C22orf42: variants seen among roughly 807,000 people sequenced by gnomAD.
C22orf42 encodes uncharacterized protein C22orf42.
A neutral mutation model predicts 31.4 loss-of-function variants in C22orf42; 24 were observed. That is an observed-to-expected ratio of 0.77 (90% confidence interval 0.55 to 1.08). The LOEUF is 1.08. Ranked by LOEUF, C22orf42 falls within the 50% of genes least tolerant of loss-of-function variation. The probability of loss-of-function intolerance (pLI) is 0.00; values close to 1 mark genes in which losing one functional copy is unlikely to be tolerated. For missense variants in C22orf42, 276 were observed against 327.3 expected (o/e 0.84, Z 1.21); for synonymous variants, 96 against 112.7 (o/e 0.85, Z 0.94).
intron 1 of C22orf42, among the ~76,000 whole-genome samples, chr22:32,157,604 A>ATC (rs1375093225): frequency 3.3e-5 from 5 of 152,198 alleles, no homozygotes; most frequent in South Asian, 4.2e-4. Context: ...ATAAGATGGG[A>ATC]TCTCTATGTC....
At chr22:32,159,752 C>T (rs1241302261), upstream of C22orf42, 13 of 165,666 alleles carry the variant, frequency 7.8e-5, no homozygotes, top group South Asian at 1.6e-4. Context: ...AACTTGACCA[C>T]AGCAACTCCT....
rs777571331 is a variant in C22orf42 at position 32,149,596 on chromosome 22, G to A, written c.700C>T (p.Arg234Trp). ...CTGATGGGTTCATTGAGCCGAGACC[G>A]TGCCATCTTAACCCAGCCTAGGGGA... is the stretch of plus-strand genomic sequence containing the variant. ...EDYLCWVKMA[R>W]SRLNEPISSQ... The change falls in exon 9 of 9, where the codon CGG becomes TGG. Residue 234 changes from arginine to tryptophan, a missense_variant. Physicochemically the swap from Arg to Trp is moderately radical, Grantham distance 101. Transcript: ENST00000382097. 31 of 1,522,816 alleles carry A rather than the reference G, an allele frequency of 2.0e-5. No individual in the cohort carries two copies. The highest frequency in any genetic ancestry group is 2.5e-5 in the East Asian group (1 of 40,760). 94.3% of individuals were successfully genotyped at this position (1,522,816 alleles called of 1,614,324 possible).
upstream of C22orf42, chr22:32,159,491 T>C (rs2904919): frequency 2.5e-4 from 334 of 1,317,820 alleles, 2 homozygotes; most frequent in East Asian, 6.5e-3. Context: ...GGTGACTGCA[T>C]TATTCATCCT....
chr22:32,150,992 G>A lies in C22orf42; in HGVS notation c.493C>T (p.His165Tyr), dbSNP rs776235173. ...AAGCTGTTTAAAAAAAAATACGTAC[G>A]GTGGTCGTGCTTGGCCTCAGATATT... ...IEISEAKHDH[H>Y]LVEDLSESLS... Residue 165 changes from histidine to tyrosine, a missense_variant and splice_region_variant, in exon 6 of 9, where the codon CAT (histidine) becomes TAT (tyrosine). Physicochemically the swap from His to Tyr is moderately conservative, Grantham distance 83. Transcript: ENST00000382097. 2.6e-5 allele frequency: 42 copies of A among 1,611,332 alleles called. No individual in the cohort carries two copies. Among genetic ancestry groups the A allele is most frequent in the South Asian group, 1.8e-4 (16 of 90,362 alleles).
intron 3 of C22orf42, 117 bp downstream of exon 3, chr22:32,152,445 T>A: frequency 2.3e-6 from 2 of 886,474 alleles, no homozygotes; most frequent in Non-Finnish European, 1.8e-6. Flanking sequence ...GTCTCTAGAG[T>A]CCATGACACT....
chr22:32,159,538 G>A, upstream of C22orf42: 1 of 1,149,588 alleles, frequency 8.7e-7, no homozygotes, highest in Non-Finnish European at 1.1e-6. Flanking sequence ...GAAAAGTGCA[G>A]GGGTTGGAGG....
intron 7 of C22orf42, among the ~76,000 whole-genome samples, 169 bp downstream of exon 7, chr22:32,150,150 G>C (rs1450030158): frequency 6.6e-6 from 1 of 152,134 alleles, no homozygotes; most frequent in African/African-American, 2.4e-5. Context: ...ACTAAGACCT[G>C]GTGGACGATG....
At chr22:32,153,200 A>G (rs1351266427) in intron 2 of C22orf42, among the ~76,000 whole-genome samples, 1 of 152,222 alleles carries the variant, frequency 6.6e-6, no homozygotes, top group Non-Finnish European at 1.5e-5. Context: ...ACAGCAGTGT[A>G]ATATAGAACA....
intron 1 of C22orf42, among the ~76,000 whole-genome samples, chr22:32,158,175 C>T (rs3859834): frequency 0.24 from 36,747 of 151,100 alleles, 4,529 homozygotes; most frequent in Middle Eastern, 0.3. Context: ...AACTTGACCA[C>T]AGCAACTCCT....
rs566985292 is a variant in C22orf42, at chr22:32,149,736, G to T, written c.682+17C>A. ...CTACATATATATCTATATATATCTA[G>T]ATATATATATACTTACAGAGGTAAT... On this transcript the variant is annotated intron_variant, in intron 8 of 8. Coordinates refer to ENST00000382097, the MANE Select transcript of C22orf42 (RefSeq NM_001010859.3). 4.8e-5 allele frequency: 63 copies of T among 1,303,924 alleles called. No individual in the cohort carries two copies. The highest frequency in any genetic ancestry group is 8.4e-5 in the Admixed American group (3 of 35,776). The allele number at this position is 1,303,924 out of a possible 1,614,324, so 80.8% of individuals were successfully genotyped here.
rs2094107653 is a variant in C22orf42 at position 32,149,177 on chromosome 22, C to T, written c.*363G>A. Reference sequence around the variant, plus strand: ...CAGTTAATATTAGTTCTTCTTCCTCCACCAGCTCAGCTCCTTTGCTCTTCC... The same window carrying T: ...CAGTTAATATTAGTTCTTCTTCCTCTACCAGCTCAGCTCCTTTGCTCTTCC... On this transcript the variant is annotated 3_prime_UTR_variant, in exon 9 of 9. Transcript: ENST00000382097. 1.2e-5 allele frequency: 2 copies of T among 161,156 alleles called. No individual in the cohort carries two copies. Among genetic ancestry groups the T allele is most frequent in the East Asian group, 3.4e-4 (2 of 5,888 alleles). The allele number at this position is 161,156 out of a possible 1,614,324, so 10.0% of individuals were successfully genotyped here.
chr22:32,157,936 C>T (rs2149514581), intron 1 of C22orf42, among the ~76,000 whole-genome samples: 1 of 152,390 alleles, frequency 6.6e-6, no homozygotes, highest in South Asian at 2.1e-4. Flanking sequence ...GCTGCCTGAG[C>T]TTTCCAGTCC....
intron 3 of C22orf42, 147 bp downstream of exon 3, chr22:32,152,415 G>C (rs1921012710): frequency 1.4e-6 from 1 of 728,160 alleles, no homozygotes; most frequent in African/African-American, 1.8e-5. Context: ...GCCTCAGTTG[G>C]TCATAACCTC....
intron 8 of C22orf42, 48 bp downstream of exon 8, chr22:32,149,705 C>T: frequency 1.7e-6 from 2 of 1,155,468 alleles, no homozygotes; most frequent in Non-Finnish European, 2.2e-6. Context: ...ATATCTATAT[C>T]TATATCTACA....
intron 2 of C22orf42, among the ~76,000 whole-genome samples, chr22:32,154,015 TCA>T (rs111234718): frequency 0.032 from 4,676 of 146,808 alleles, 105 homozygotes; most frequent in Middle Eastern, 0.073. Flanking sequence ...TGAGACCTTT[TCA>T]CACACACACA....
chr22:32,150,392 A>G lies in C22orf42; in HGVS notation c.581T>C (p.Leu194Pro). 6.2e-7 allele frequency: 1 copy of G among 1,614,116 alleles called. No homozygotes were observed. Among genetic ancestry groups the G allele is most frequent in the Non-Finnish European group, 8.5e-7 (1 of 1,179,952 alleles). The change falls in exon 7 of 9, where the codon CTT (leucine) becomes CCT (proline). Residue 194 changes from leucine (L) to proline (P), a missense_variant. Physicochemically the swap from Leu to Pro is moderately conservative, Grantham distance 98 (BLOSUM62 -3). Transcript: ENST00000382097. ...GAGACCTGATGTCATGAAGTCTTCAAGAGAGACAGATAGGCTTTCACTGAG... is the reference window on the plus strand; with the variant it reads ...GAGACCTGATGTCATGAAGTCTTCAGGAGAGACAGATAGGCTTTCACTGAG... Reference protein sequence around the residue: ...SDLSESLSVSLEDFMTSGLSE... With the variant: ...SDLSESLSVSPEDFMTSGLSE...
chr22:32,159,006 C>T lies in C22orf42; in HGVS notation c.210G>A (p.Pro70=), dbSNP rs138905164. 5.4e-4 allele frequency: 860 copies of T among 1,604,252 alleles called. 9 individuals carry two copies. In the African/African-American group the frequency reaches 0.011, roughly 20 times the overall value. ...LMQYLSLPKT[P]KMLKMSKGLD... ...TACCTTTGGACATCTTCAGCATCTT[C>T]GGCGTCTTCGGGAGGCTGAGGTACT... The change falls in exon 1 of 9, where the codon CCG becomes CCA. Residue 70 remains proline, a synonymous_variant. Transcript: ENST00000382097.
intron 3 of C22orf42, 126 bp from the exon 4 acceptor site, chr22:32,152,220 C>G (rs1921003815): frequency 9.1e-7 from 1 of 1,103,620 alleles, no homozygotes; most frequent in Non-Finnish European, 1.3e-6. Flanking sequence ...AAGTCACTGG[C>G]CCCCAAATAA....
intron 1 of C22orf42, among the ~76,000 whole-genome samples, chr22:32,154,684 C>G (rs1921166158): frequency 6.6e-6 from 1 of 152,198 alleles, no homozygotes; most frequent in Non-Finnish European, 1.5e-5. Flanking sequence ...CCTCAGTTCC[C>G]TATTCTGAGA....
Sources: allele counts gnomAD v4.1 joint callset (sites outside exome capture counted in the v4.1 genomes callset), GRCh38; gene constraint gnomAD v4.1.1; transcripts MANE v1.5; gene names NCBI Gene and HGNC (gene_info 2026-07-23, HGNC 2026-07-21).